The following ATP8A2 variants were observed in gnomAD, a reference collection of about 807,000 sequenced individuals.
ATP8A2 encodes ATPase phospholipid transporting 8A2, also known as phospholipid-transporting ATPase IB.
Under a neutral mutation model 165.6 loss-of-function variants are expected in ATP8A2, and 100 were observed. That is an observed-to-expected ratio of 0.60 (90% CI 0.51 to 0.71). The LOEUF (loss-of-function observed/expected upper bound fraction) is 0.71. Among genes scored for constraint, ATP8A2 ranks in the 30% least tolerant of loss-of-function variants. The pLI is 0.00. For synonymous variants in ATP8A2, 543 were observed against 548.8 expected (o/e 0.99, Z 0.15); for missense variants, 1,227 against 1,479.5 (o/e 0.83, Z 2.80).
At chr13:25,515,802 C>G (rs1473226340) in intron 2 of ATP8A2, among the ~76,000 whole-genome samples, 1 of 152,200 alleles carries the variant, frequency 6.6e-6, no homozygotes, top group Non-Finnish European at 1.5e-5. Context: ...CTATTTAACT[C>G]ATGTCTCTAT....
At chr13:25,533,226 C>G in intron 5 of ATP8A2, 47 bp from the exon 6 acceptor site, 1 of 993,176 alleles carries the variant, frequency 1.0e-6, no homozygotes, top group Non-Finnish European at 1.6e-6. Context: ...GAAGCTGATT[C>G]AATTTAACAC....
intron 1 of ATP8A2, among the ~76,000 whole-genome samples, chr13:25,392,784 C>G (rs951833354): frequency 1.3e-5 from 2 of 152,006 alleles, no homozygotes; most frequent in African/African-American, 4.8e-5. Context: ...CTTTTAAAAA[C>G]TGGATTCTAA....
intron 24 of ATP8A2, among the ~76,000 whole-genome samples, chr13:25,637,150 G>A (rs190331614): frequency 1.4e-5 from 2 of 141,008 alleles, no homozygotes; most frequent in African/African-American, 5.3e-5. Context: ...GCACTTGAAA[G>A]CACAGATTGA....
chr13:25,723,142 A>G (rs1417210156), intron 25 of ATP8A2, among the ~76,000 whole-genome samples: 1 of 152,260 alleles, frequency 6.6e-6, no homozygotes, highest in Non-Finnish European at 1.5e-5. Flanking sequence ...GGCTACAAAA[A>G]TAGTAAATGT....
chr13:25,526,282 T>C (rs2037837919), intron 2 of ATP8A2, among the ~76,000 whole-genome samples: 1 of 152,110 alleles, frequency 6.6e-6, no homozygotes, highest in Non-Finnish European at 1.5e-5. Context: ...CATATCACCA[T>C]CTTGTTAGGG....
chr13:25,935,924 G>T (rs1489302853), intron 33 of ATP8A2, among the ~76,000 whole-genome samples: 1 of 152,202 alleles, frequency 6.6e-6, no homozygotes, highest in Non-Finnish European at 1.5e-5. Flanking sequence ...GGTAATATGA[G>T]ACCTTTGGTG....
At chr13:25,720,223 AGT>A (rs2138028651) in intron 25 of ATP8A2, among the ~76,000 whole-genome samples, 1 of 132,806 alleles carries the variant, frequency 7.5e-6, no homozygotes, top group Non-Finnish European at 1.5e-5. Context: ...GCTGGACTGC[AGT>A]GGTGCAATCT....
intron 26 of ATP8A2, among the ~76,000 whole-genome samples, chr13:25,771,955 G>A (rs1004377593): frequency 4.6e-5 from 7 of 151,980 alleles, no homozygotes; most frequent in African/African-American, 1.5e-4. Context: ...TTTTTATTAC[G>A]CTTCGGAGGA....
At chr13:25,553,390 T>TATCC (rs1256158627) in intron 11 of ATP8A2, among the ~76,000 whole-genome samples, 4 of 152,218 alleles carry the variant, frequency 2.6e-5, no homozygotes, top group African/African-American at 9.6e-5. Flanking sequence ...CTCTTTGGAG[T>TATCC]ATCCCCAATA....
At position 25,469,083 on chromosome 13, in the gene ATP8A2, C is replaced by T. The variant is rs370672539; in HGVS notation, c.183C>T (p.Asn61=). 1 of 1,614,052 alleles carries T rather than the reference C, an allele frequency of 6.2e-7. No individual in the cohort carries two copies. The highest frequency in any genetic ancestry group is 1.1e-5 in the South Asian group (1 of 91,078). The change falls in exon 2 of 37, where the codon AAC becomes AAT. Residue 61 remains asparagine (N), a synonymous_variant. Coordinates refer to ENST00000381655, the MANE Select transcript of ATP8A2 (RefSeq NM_016529.6). ...LEAPARTIYL[N]QPHLNKFRDN... ...CACCCGCCCGCACCATTTACCTCAA[C>T]CAACCGCATCTCAACAAATTCCGCG...
chr13:25,620,399 A>C lies in ATP8A2; in HGVS notation c.2211+30700A>C, dbSNP rs77509612. 7.9e-5 allele frequency among the ~76,000 whole-genome samples: 12 copies of C among 152,234 alleles called. No homozygotes were observed. In the East Asian group the frequency reaches 2.1e-3, roughly 27 times the overall value. On this transcript the variant is annotated intron_variant, in intron 24 of 36. Coordinates refer to ENST00000381655, the MANE Select transcript of ATP8A2 (RefSeq NM_016529.6). The stretch of plus-strand genomic sequence containing the variant: ...TGAAGAATGGGGTTAAAATCAAAAC[A>C]CTCACAAAAGTTAAGAGCTGAGAGT...
chr13:25,539,408 C>A (rs2038397784), intron 7 of ATP8A2, among the ~76,000 whole-genome samples: 1 of 140,156 alleles, frequency 7.1e-6, no homozygotes, highest in Non-Finnish European at 1.6e-5. Context: ...CCACAGTGCC[C>A]AGCCAGTTTT....
intron 35 of ATP8A2, among the ~76,000 whole-genome samples, chr13:25,990,234 C>T (rs1012603956): frequency 7.4e-6 from 1 of 134,230 alleles, no homozygotes; most frequent in Non-Finnish European, 1.5e-5. Flanking sequence ...GCACCAGGCA[C>T]TGTTTTGGGT....
chr13:25,395,679 G>T (rs577248900), intron 1 of ATP8A2, among the ~76,000 whole-genome samples: 59 of 152,182 alleles, frequency 3.9e-4, no homozygotes, highest in African/African-American at 1.3e-3. Flanking sequence ...AGAACTACAG[G>T]CATGTGCCAC....
chr13:25,756,687 C>T (rs1425585846), intron 25 of ATP8A2, among the ~76,000 whole-genome samples: 1 of 152,126 alleles, frequency 6.6e-6, no homozygotes, highest in African/African-American at 2.4e-5. Context: ...AATAACAGCA[C>T]CAATTTTGCA....
rs541536406 is a variant in ATP8A2, at chr13:25,373,477, G to A, written c.76+1189G>A. On this transcript the variant is annotated intron_variant, in intron 1 of 36. Transcript: ENST00000381655. ...TAAATAGCAGGGAAGAGCTGTGGCA[G>A]AGAGACAGTGGGAGGGCGCAGTCAT... 2.0e-5 allele frequency among the ~76,000 whole-genome samples: 3 copies of A among 152,272 alleles called. No individual in the cohort carries two copies. In the East Asian group the frequency reaches 5.8e-4, roughly 29 times the overall value.
intron 1 of ATP8A2, among the ~76,000 whole-genome samples, chr13:25,450,570 C>G (rs1213985912): frequency 6.6e-6 from 1 of 152,136 alleles, no homozygotes; most frequent in Non-Finnish European, 1.5e-5. Flanking sequence ...CTCGCTCTGT[C>G]GCCCAGGCTG....
intron 1 of ATP8A2, among the ~76,000 whole-genome samples, chr13:25,417,399 C>A (rs1472825468): frequency 3.0e-5 from 3 of 99,444 alleles, no homozygotes; most frequent in African/African-American, 1.1e-4. Context: ...TGACACTGGC[C>A]AGTTTCTTTA....
At position 25,469,191 on chromosome 13, in the gene ATP8A2, G is replaced by T; in HGVS notation, c.221+70G>T. 3 of 1,551,260 alleles carry T rather than the reference G, an allele frequency of 1.9e-6. No homozygotes were observed. The South Asian group carries it at 3.5e-5, about 18-fold the overall frequency. On this transcript the variant is annotated intron_variant, in intron 2 of 36. Transcript: ENST00000381655. ...GCTGGGAAGGGGCTCGTCCTCCTGC[G>T]CGGGGCTTGGCCGCGCACCTGGCCG...
Sources: allele counts gnomAD v4.1 joint callset (sites outside exome capture counted in the v4.1 genomes callset), GRCh38; gene constraint gnomAD v4.1.1; transcripts MANE v1.5; gene names NCBI Gene and HGNC (gene_info 2026-07-23, HGNC 2026-07-21).